The following BMP5 variants were observed in gnomAD, a reference collection of about 807,000 sequenced individuals.
BMP5 encodes bone morphogenetic protein 5.
BMP5 carries 23 observed loss-of-function variants against 46.6 expected under a neutral mutation model. The observed-to-expected ratio is 0.49, with a 90% CI of 0.35 to 0.70. The LOEUF (loss-of-function observed/expected upper bound fraction) is 0.70, where lower values mean the gene tolerates loss of function less well. BMP5 is among the 30% of genes least tolerant of loss of function. The pLI is 0.00. For missense variants in BMP5, 545 were observed against 565.6 expected (o/e 0.96, Z 0.37); for synonymous variants, 204 against 191.9 (o/e 1.06, Z -0.52).
chr6:55,827,857 C>T (rs1776568720), intron 1 of BMP5, among the ~76,000 whole-genome samples: 1 of 151,724 alleles, frequency 6.6e-6, no homozygotes, highest in Non-Finnish European at 1.5e-5. Context: ...ACACTATGTA[C>T]AAATATTTGA....
intron 6 of BMP5, among the ~76,000 whole-genome samples, chr6:55,756,287 A>G (rs1774595891): frequency 6.6e-6 from 1 of 151,888 alleles, no homozygotes. Flanking sequence ...TTTAATATCC[A>G]TTTACTTTTT....
At chr6:55,858,261 T>TTTTCAAA (rs2127552570) in intron 1 of BMP5, among the ~76,000 whole-genome samples, 1 of 152,324 alleles carries the variant, frequency 6.6e-6, no homozygotes, top group South Asian at 2.1e-4. Context: ...AGCAATTACC[T>TTTTCAAA]ATAGGATGAC....
At chr6:55,850,296 T>C (rs1385716258) in intron 1 of BMP5, among the ~76,000 whole-genome samples, 1 of 152,046 alleles carries the variant, frequency 6.6e-6, no homozygotes, top group East Asian at 1.9e-4. Context: ...AGAACATAAA[T>C]ATTTACCTGA....
At chr6:55,826,328 A>G (rs533816873) in intron 1 of BMP5, among the ~76,000 whole-genome samples, 2 of 151,976 alleles carry the variant, frequency 1.3e-5, no homozygotes, top group East Asian at 1.9e-4. Flanking sequence ...ATATTTCATG[A>G]ATACAGTTTT....
rs1263548191 is a variant in BMP5 at position 55,755,505 on chromosome 6, T to C, written c.*28A>G. 3 of 1,589,170 alleles carry C rather than the reference T, an allele frequency of 1.9e-6. No individual in the cohort carries two copies. Among genetic ancestry groups the C allele is most frequent in the Non-Finnish European group, 1.7e-6 (2 of 1,160,026 alleles). ...GCAGCCATAAACCTTAATACAGATC[T>C]TTTTGTTATTATCAATATTATTTAA... On this transcript the variant is annotated 3_prime_UTR_variant, in exon 7 of 7. Coordinates refer to ENST00000370830, the MANE Select transcript of BMP5 (RefSeq NM_021073.4).
In BMP5 at chr6:55,756,620, G is replaced by T. The variant is rs1001325111; in HGVS notation, c.1216-938C>A. 2.0e-5 allele frequency among the ~76,000 whole-genome samples: 3 copies of T among 151,820 alleles called. No homozygotes were observed. In the Admixed American group the frequency reaches 2.0e-4, roughly 10 times the overall value. On this transcript the variant is annotated intron_variant, in intron 6 of 6. Coordinates refer to ENST00000370830, the MANE Select transcript of BMP5 (RefSeq NM_021073.4). ...ACGGGATCCACAAAAAGCAAATACAGCCTCTTACAGTTTTGGCTGTACAAC... is the reference window on the plus strand; with the variant it reads ...ACGGGATCCACAAAAAGCAAATACATCCTCTTACAGTTTTGGCTGTACAAC...
intron 1 of BMP5, among the ~76,000 whole-genome samples, chr6:55,853,809 G>A (rs577120958): frequency 3.1e-4 from 47 of 152,132 alleles, no homozygotes; most frequent in East Asian, 5.8e-4. Context: ...ACTGAAGTAC[G>A]GTTATATTTT....
intron 1 of BMP5, among the ~76,000 whole-genome samples, chr6:55,821,785 G>T (rs1265045354): frequency 1.3e-5 from 2 of 152,140 alleles, no homozygotes; most frequent in African/African-American, 4.8e-5. Flanking sequence ...CCATTTGACT[G>T]GGCTGTGTGA....
intron 1 of BMP5, among the ~76,000 whole-genome samples, chr6:55,842,723 C>G (rs1041802675): frequency 4.6e-5 from 7 of 151,088 alleles, no homozygotes; most frequent in African/African-American, 1.7e-4. Flanking sequence ...GATTATAATC[C>G]TCCACTGTCT....
chr6:55,873,392 A>T (rs1777829476), intron 1 of BMP5, among the ~76,000 whole-genome samples: 1 of 151,952 alleles, frequency 6.6e-6, no homozygotes, highest in Non-Finnish European at 1.5e-5. Context: ...TAATCTTCAA[A>T]CATAAAATAT....
intron 5 of BMP5, among the ~76,000 whole-genome samples, chr6:55,760,019 A>G (rs376423655): frequency 1.3e-5 from 2 of 152,068 alleles, no homozygotes; most frequent in African/African-American, 4.8e-5. Context: ...AAGGCTACCC[A>G]AAAGATAGCA....
intron 2 of BMP5, among the ~76,000 whole-genome samples, chr6:55,816,009 T>C (rs1215018506): frequency 6.6e-6 from 1 of 152,084 alleles, no homozygotes; most frequent in African/African-American, 2.4e-5. Context: ...GGAATTTTAA[T>C]TGTGATCAAT....
At chr6:55,772,872 A>G in intron 4 of BMP5, 1 of 985,110 alleles carries the variant, frequency 1.0e-6, no homozygotes, top group South Asian at 4.7e-5. Context: ...CCTTTAGGAA[A>G]AGTCCAATGA....
At chr6:55,756,066 A>G (rs1333918915) in intron 6 of BMP5, among the ~76,000 whole-genome samples, 2 of 152,028 alleles carry the variant, frequency 1.3e-5, no homozygotes, top group Non-Finnish European at 2.9e-5. Context: ...AAATCAATGA[A>G]AACACATAGT....
intron 2 of BMP5, among the ~76,000 whole-genome samples, chr6:55,798,984 A>C (rs903694512): frequency 6.6e-6 from 1 of 152,236 alleles, no homozygotes; most frequent in African/African-American, 2.4e-5. Context: ...TCAACCGAAG[A>C]TGCTAATTGG....
chr6:55,788,429 A>T (rs187921081), intron 3 of BMP5, among the ~76,000 whole-genome samples: 9 of 151,936 alleles, frequency 5.9e-5, no homozygotes, highest in Admixed American at 4.6e-4. Context: ...CTCTGCTGTC[A>T]ACTCAAAGTT....
intron 4 of BMP5, among the ~76,000 whole-genome samples, chr6:55,763,186 A>G (rs1774828213): frequency 6.6e-6 from 1 of 152,154 alleles, no homozygotes; most frequent in Non-Finnish European, 1.5e-5. Flanking sequence ...GAATAACAAC[A>G]TTGTAGCCAA....
intron 1 of BMP5, among the ~76,000 whole-genome samples, chr6:55,860,821 T>C (rs929794116): frequency 3.9e-5 from 6 of 152,250 alleles, no homozygotes; most frequent in African/African-American, 1.2e-4. Flanking sequence ...ACTGTCCTCA[T>C]GTACTTCTGC....
At chr6:55,824,723 T>A (rs1422551510) in intron 1 of BMP5, among the ~76,000 whole-genome samples, 1 of 151,812 alleles carries the variant, frequency 6.6e-6, no homozygotes, top group Non-Finnish European at 1.5e-5. Context: ...TAACAAACAC[T>A]TGTGTCAATC....
Sources: gnomAD v4.1 joint callset for allele counts (sites outside exome capture counted in the v4.1 genomes callset) on GRCh38, gnomAD v4.1.1 for gene constraint, MANE v1.5 for transcripts, NCBI Gene and HGNC (gene_info 2026-07-23, HGNC 2026-07-21) for gene names.